The following INSL6 variants were observed in gnomAD, a reference collection of about 807,000 sequenced individuals.
The protein encoded by INSL6 is insulin-like peptide INSL6.
Under a neutral mutation model 9.4 loss-of-function variants are expected in INSL6, and 16 were observed. The observed-to-expected ratio is 1.70, with a 90% CI of 1.15 to 2.59. The LOEUF is 2.59. Among genes scored for constraint, INSL6 ranks in the 30% most tolerant of loss-of-function variants. INSL6 has a pLI of 0.00. For synonymous variants in INSL6, 154 were observed against 96.9 expected (o/e 1.59, Z -3.46); for missense variants, 391 against 257.3 (o/e 1.52, Z -3.56).
At chr9:5,082,998 T>A in the INSL6 span, among the ~76,000 whole-genome samples, 1 of 152,240 alleles carries the variant, frequency 6.6e-6, no homozygotes, top group Non-Finnish European at 1.5e-5. Context: ...CTTTTCCCTA[T>A]AACTGAAGAA....
chr9:5,041,134 C>G, the INSL6 span: 1 of 988,396 alleles, frequency 1.0e-6, no homozygotes, highest in Non-Finnish European at 1.6e-6. Context: ...TGCTCCTGAT[C>G]GCCATCCGGC....
At position 5,164,274 on chromosome 9, in the gene INSL6, A is replaced by G. The variant is rs765061448; in HGVS notation, c.290-9T>C. On this transcript the variant is annotated splice_polypyrimidine_tract_variant and intron_variant, in intron 1 of 1. Transcript: ENST00000381641. ...TTCCCAAGAAGTAGACACTGTTGAG[A>G]GAGAAGAAAATAAATGCTCCTTTAT... The G allele has an allele frequency of 2.1e-5, 33 of 1,550,020 alleles. No homozygotes were observed. The highest frequency in any genetic ancestry group is 2.9e-5 in the Non-Finnish European group (33 of 1,131,138).
At chr9:5,062,580 T>A in the INSL6 span, among the ~76,000 whole-genome samples, 1 of 144,416 alleles carries the variant, frequency 6.9e-6, no homozygotes, top group South Asian at 2.2e-4. Flanking sequence ...AAACAAAATG[T>A]GTCTGTATAT....
intron 3 of INSL6, chr9:5,132,965 A>G (rs958114774): frequency 1.5e-4 from 23 of 152,212 alleles, no homozygotes; most frequent in African/African-American, 5.3e-4. Flanking sequence ...AAATAATCTC[A>G]TCATCCATAA....
chr9:5,065,140 ATT>A, the INSL6 span: 5 of 707,814 alleles, frequency 7.1e-6, no homozygotes, highest in South Asian at 2.6e-4. Context: ...GAAAAAAATA[ATT>A]TGACAAGTTT....
the INSL6 span, among the ~76,000 whole-genome samples, chr9:5,027,873 C>T: frequency 6.6e-6 from 1 of 152,188 alleles, no homozygotes; most frequent in Non-Finnish European, 1.5e-5. Flanking sequence ...AGCTCCACTT[C>T]TAATTTTAGT....
chr9:5,115,311 A>G, the INSL6 span, among the ~76,000 whole-genome samples: 2 of 152,216 alleles, frequency 1.3e-5, no homozygotes, highest in African/African-American at 4.8e-5. Context: ...TATGAAAAAA[A>G]GCTCATCATC....
the INSL6 span, among the ~76,000 whole-genome samples, chr9:5,001,982 T>G: frequency 6.6e-6 from 1 of 152,028 alleles, no homozygotes; most frequent in South Asian, 2.1e-4. Flanking sequence ...TATCTTTTTA[T>G]ATCCACTTAC....
chr9:5,153,266 G>T (rs1256573640), intron 2 of INSL6, among the ~76,000 whole-genome samples: 1 of 152,148 alleles, frequency 6.6e-6, no homozygotes, highest in Non-Finnish European at 1.5e-5. Context: ...CACCCCCACG[G>T]AGCCCAACAA....
At chr9:5,050,579 T>C in the INSL6 span, 63 of 1,182,562 alleles carry the variant, frequency 5.3e-5, 1 homozygote, top group South Asian at 9.2e-4. Context: ...CCAATTTGTA[T>C]CTTGTAAATG....
chr9:5,115,429 G>A, the INSL6 span, among the ~76,000 whole-genome samples: 2 of 152,210 alleles, frequency 1.3e-5, no homozygotes, highest in Non-Finnish European at 2.9e-5. Flanking sequence ...TGAAGAGGAT[G>A]TGGAAAAACA....
At chr9:5,160,934 T>C (rs1207166524), downstream of INSL6, among the ~76,000 whole-genome samples, 1 of 152,088 alleles carries the variant, frequency 6.6e-6, no homozygotes, top group African/African-American at 2.4e-5. Flanking sequence ...TGTAATAAGA[T>C]TGAAGCTATA....
chr9:5,115,803 A>C, the INSL6 span, among the ~76,000 whole-genome samples: 1 of 152,182 alleles, frequency 6.6e-6, no homozygotes, highest in East Asian at 1.9e-4. Context: ...CAGCAAACAC[A>C]GGAACAGAAA....
the INSL6 span, among the ~76,000 whole-genome samples, chr9:5,008,987 T>C: frequency 1.3e-5 from 2 of 152,206 alleles, no homozygotes; most frequent in African/African-American, 4.8e-5. Flanking sequence ...ATGAGTTTGA[T>C]CCTTTGAGTC....
At chr9:5,022,338 G>C in the INSL6 span, 1 of 592,088 alleles carries the variant, frequency 1.7e-6, no homozygotes, top group Middle Eastern at 4.6e-4. Flanking sequence ...TGGCGTGTGT[G>C]TTTTCACATG....
chr9:5,155,240 C>T (rs1372717588), intron 2 of INSL6, among the ~76,000 whole-genome samples: 1 of 150,404 alleles, frequency 6.6e-6, no homozygotes, highest in African/African-American at 2.5e-5. Context: ...AAACCAAACA[C>T]TGCATGTTCT....
intron 3 of INSL6, among the ~76,000 whole-genome samples, chr9:5,130,933 G>T (rs755341498): frequency 4.0e-5 from 6 of 151,124 alleles, no homozygotes; most frequent in Non-Finnish European, 5.9e-5. Flanking sequence ...GTTTCACTGT[G>T]TTAGCCAGGA....
the INSL6 span, among the ~76,000 whole-genome samples, chr9:5,047,699 C>T: frequency 3.3e-5 from 5 of 152,120 alleles, no homozygotes; most frequent in African/African-American, 1.2e-4. Context: ...CAGTGATTGT[C>T]TTGCTTCAGC....
the INSL6 span, among the ~76,000 whole-genome samples, chr9:5,037,511 G>GATTCCAT: frequency 2.0e-5 from 3 of 152,192 alleles, no homozygotes; most frequent in East Asian, 5.8e-4. Flanking sequence ...TATACACCAT[G>GATTCCAT]GAATACTGTG....
Sources: gnomAD v4.1 joint callset for allele counts (sites outside exome capture counted in the v4.1 genomes callset) on GRCh38, gnomAD v4.1.1 for gene constraint, MANE v1.5 for transcripts, NCBI Gene and HGNC (gene_info 2026-07-23, HGNC 2026-07-21) for gene names.